DOCK1: variants seen among roughly 807,000 people sequenced by gnomAD.
The protein encoded by DOCK1 is dedicator of cytokinesis protein 1.
A neutral mutation model predicts 262.7 loss-of-function variants in DOCK1; 138 were observed. The ratio of observed to expected loss-of-function variants is 0.53; its 90% CI spans 0.46 to 0.61. The LOEUF is 0.61. DOCK1 is among the 20% of genes least tolerant of loss of function. The pLI is 0.00. For synonymous variants in DOCK1, 866 were observed against 867.4 expected, an observed-to-expected ratio of 1.00 and a Z score of 0.03; for missense variants, 1,908 against 2,370.7, an observed-to-expected ratio of 0.80 and a Z score of 4.05.
At chr10:127,354,618 T>C in intron 31 of DOCK1, 51 bp from the exon 32 acceptor site, 1 of 1,609,100 alleles carries the variant, frequency 6.2e-7, no homozygotes. Flanking sequence ...CAGTCCGATT[T>C]TCAAATGCCT....
intron 29 of DOCK1, among the ~76,000 whole-genome samples, chr10:127,307,499 C>T (rs2061917019): frequency 6.6e-6 from 1 of 152,190 alleles, no homozygotes; most frequent in Non-Finnish European, 1.5e-5. Context: ...AAGAAACAAA[C>T]GTGCTCTGCT....
At chr10:126,918,951 G>A (rs570070651) in intron 1 of DOCK1, among the ~76,000 whole-genome samples, 4 of 149,706 alleles carry the variant, frequency 2.7e-5, no homozygotes, top group African/African-American at 7.4e-5. Context: ...GGTGCAGATG[G>A]GCACAGAGGA....
chr10:127,032,068 A>G, intron 17 of DOCK1, 69 bp from the exon 18 acceptor site: 2 of 1,538,130 alleles, frequency 1.3e-6, no homozygotes, highest in East Asian at 4.9e-5. Flanking sequence ...AGGGATAACA[A>G]AGGGTGGCAA....
At chr10:127,281,129 G>T (rs918022517) in intron 29 of DOCK1, among the ~76,000 whole-genome samples, 1 of 152,214 alleles carries the variant, frequency 6.6e-6, no homozygotes, top group Non-Finnish European at 1.5e-5. Context: ...AGGCTCCAGG[G>T]CTTTGCCTCA....
chr10:127,297,431 G>T (rs562572192), intron 29 of DOCK1, among the ~76,000 whole-genome samples: 1 of 152,032 alleles, frequency 6.6e-6, no homozygotes, highest in Non-Finnish European at 1.5e-5. Flanking sequence ...AAGTGGGGAC[G>T]CATCGTCATG....
intron 15 of DOCK1, 192 bp from the exon 16 acceptor site, chr10:127,026,160 G>C: frequency 1.7e-6 from 1 of 587,896 alleles, no homozygotes; most frequent in Non-Finnish European, 3.0e-6. Flanking sequence ...CTTGGCAGCT[G>C]TTACAATATG....
intron 46 of DOCK1, 35 bp downstream of exon 46, chr10:127,419,784 G>A: frequency 6.4e-7 from 1 of 1,557,440 alleles, no homozygotes; most frequent in Admixed American, 1.9e-5. Context: ...CATGGCTGGA[G>A]GGAAGGAAAG....
intron 50 of DOCK1, among the ~76,000 whole-genome samples, chr10:127,445,243 G>GCCCA (rs1183850619): frequency 6.6e-6 from 1 of 152,140 alleles, no homozygotes; most frequent in Non-Finnish European, 1.5e-5. Context: ...GAACCGGGGA[G>GCCCA]CCCACTCTCC....
At chr10:126,937,432 A>G (rs970150595) in intron 1 of DOCK1, among the ~76,000 whole-genome samples, 2 of 150,620 alleles carry the variant, frequency 1.3e-5, no homozygotes, top group Admixed American at 6.6e-5. Context: ...TAGTGGCTCT[A>G]TCTGTTTTAC....
Position 127,257,373 on chromosome 10 carries a change from C to T in DOCK1, c.2988C>T (p.Leu996=), listed in dbSNP as rs1038914449. Residue 996 remains leucine (L), a synonymous_variant, in exon 29 of 52, where the codon CTC becomes CTT. Transcript: ENST00000623213. The part of the protein sequence containing the change: ...LMETFIMFKN[L]IGKNVYPFDW... ...AAACATTCATCATGTTTAAGAACCT[C>T]ATTGGAAAGAACGTTTACCCCTTCG... 1.4e-5 allele frequency: 23 copies of T among 1,607,080 alleles called. No homozygotes were observed. The highest frequency in any genetic ancestry group is 1.7e-5 in the Non-Finnish European group (20 of 1,176,268).
intron 29 of DOCK1, among the ~76,000 whole-genome samples, chr10:127,267,557 G>A (rs2060406874): frequency 6.6e-6 from 1 of 152,148 alleles, no homozygotes; most frequent in South Asian, 2.1e-4. Context: ...TCTTATTTAG[G>A]GAAGCTTGCT....
intron 31 of DOCK1, among the ~76,000 whole-genome samples, chr10:127,347,516 A>G (rs961804358): frequency 7.2e-5 from 11 of 152,280 alleles, no homozygotes; most frequent in Non-Finnish European, 1.3e-4. Flanking sequence ...GCATGGCGCC[A>G]TCTACATATG....
At chr10:127,239,109 A>C (rs2059172482) in intron 27 of DOCK1, among the ~76,000 whole-genome samples, 1 of 152,170 alleles carries the variant, frequency 6.6e-6, no homozygotes, top group Non-Finnish European at 1.5e-5. Flanking sequence ...GTTCCCACAA[A>C]TTGAGTCTCA....
At chr10:127,376,664 C>A (rs141567833) in intron 35 of DOCK1, among the ~76,000 whole-genome samples, 1,827 of 152,294 alleles carry the variant, frequency 0.012, 14 homozygotes, top group Non-Finnish European at 0.02. Flanking sequence ...AAAATCCTTC[C>A]CTACTATGGA....
intron 38 of DOCK1, among the ~76,000 whole-genome samples, chr10:127,400,456 G>T (rs1040134053): frequency 6.6e-6 from 1 of 152,220 alleles, no homozygotes; most frequent in Admixed American, 6.5e-5. Context: ...ATCCATCCTG[G>T]CAGGAGGTGG....
chr10:127,105,762 A>G (rs971368910), intron 23 of DOCK1, among the ~76,000 whole-genome samples: 3 of 151,906 alleles, frequency 2.0e-5, no homozygotes, highest in African/African-American at 7.3e-5. Flanking sequence ...TAGGTTAGAG[A>G]TTCATTTTCT....
In DOCK1 at chr10:127,277,906, C is replaced by T. The variant is rs150595595; in HGVS notation, c.3044+20477C>T. The stretch of plus-strand genomic sequence containing the variant: ...TTAATCTTTTCAAATCTTTAGAATT[C>T]GTTTTCATGTAAAAGTCAACTTTCT... On this transcript the variant is annotated intron_variant, in intron 29 of 51. Transcript: ENST00000623213. Among the ~76,000 whole-genome samples, 504 of 149,912 alleles carry T rather than the reference C, an allele frequency of 3.4e-3. 1 individual carries two copies. The highest frequency in any genetic ancestry group is 0.01 in the Middle Eastern group (3 of 290).
intron 29 of DOCK1, among the ~76,000 whole-genome samples, chr10:127,275,790 A>C (rs1310713167): frequency 6.6e-6 from 1 of 152,256 alleles, no homozygotes; most frequent in South Asian, 2.1e-4. Context: ...ATGGAAAAAA[A>C]CCCATGTGAC....
chr10:126,937,059 C>T (rs1015693930), intron 1 of DOCK1, among the ~76,000 whole-genome samples: 3 of 152,016 alleles, frequency 2.0e-5, no homozygotes, highest in South Asian at 4.2e-4. Flanking sequence ...TTAGTTTAGA[C>T]GACTCTAGGA....
Sources: allele counts gnomAD v4.1 joint callset (sites outside exome capture counted in the v4.1 genomes callset), GRCh38; gene constraint gnomAD v4.1.1; transcripts MANE v1.5; gene names NCBI Gene and HGNC (gene_info 2026-07-23, HGNC 2026-07-21).